Variants in RFTN1 observed in about 807,000 individuals in gnomAD.
RFTN1 encodes raftlin.
Under a neutral mutation model 46.5 loss-of-function variants are expected in RFTN1, and 26 were observed. The observed-to-expected ratio is 0.56, with a 90% CI of 0.41 to 0.78. RFTN1 has a LOEUF of 0.78. Among genes scored for constraint, RFTN1 ranks in the 30% least tolerant of loss-of-function variants. RFTN1 has a pLI of 0.00. For synonymous variants in RFTN1, 261 were observed against 284.2 expected (o/e 0.92, Z 0.82); for missense variants, 693 against 718.7 (o/e 0.96, Z 0.41).
intron 7 of RFTN1, among the ~76,000 whole-genome samples, chr3:16,357,116 AAAAAAAAAAAAACAAAAAAAC>A (rs1479132078): frequency 5.5e-4 from 23 of 41,728 alleles, no homozygotes; most frequent in African/African-American, 2.1e-3. Context: ...TGCCATCTCA[AAAAAAAAAAAAACAAAAAAAC>A]AAACAAACAA....
chr3:16,409,972 C>T (rs557492775), intron 3 of RFTN1, among the ~76,000 whole-genome samples: 1 of 151,106 alleles, frequency 6.6e-6, no homozygotes, highest in East Asian at 1.9e-4. Flanking sequence ...CAGACATGAG[C>T]CACTGTGCCC....
rs1028364442 is a variant in RFTN1, at chr3:16,329,962, T to G, written c.1147-3086A>C. Among the ~76,000 whole-genome samples the G allele has an allele frequency of 6.6e-6, 1 of 152,208 alleles. No individual in the cohort carries two copies. The highest frequency in any genetic ancestry group is 2.4e-5 in the African/African-American group (1 of 41,460). ...CCCTGCTGCAGCCCGACCCGCCTGC[T>G]TAGACAGACTGCAAACCGGCTGCTT... is the stretch of plus-strand genomic sequence containing the variant. On this transcript the variant is annotated intron_variant, in intron 7 of 9. Coordinates refer to ENST00000334133, the MANE Select transcript of RFTN1 (RefSeq NM_015150.2). This position sits in a 1 kb window ranked among gnomAD's most constrained non-coding sequence, Gnocchi z 4.5.
intron 1 of RFTN1, among the ~76,000 whole-genome samples, chr3:16,497,037 C>T (rs1052967102): frequency 6.6e-6 from 1 of 152,140 alleles, no homozygotes; most frequent in Non-Finnish European, 1.5e-5. Context: ...CACTCATCTC[C>T]AGTGTTAGAA....
rs1285570085 is a variant in RFTN1, at chr3:16,459,877, T to C, written c.146-25840A>G. On this transcript the variant is annotated intron_variant, in intron 2 of 9. Coordinates refer to ENST00000334133, the MANE Select transcript of RFTN1 (RefSeq NM_015150.2). The surrounding 1 kb of genome is among the most constrained non-coding windows in gnomAD (Gnocchi z 4.2). The stretch of plus-strand genomic sequence containing the variant: ...TGAGAGAAGTTTATCATTTTTTGGT[T>C]CCTATAACTTTTAGTTATTTGACAT... Among the ~76,000 whole-genome samples, 1 of 152,210 alleles carries C rather than the reference T, an allele frequency of 6.6e-6. No individual in the cohort carries two copies. Among genetic ancestry groups the C allele is most frequent in the African/African-American group, 2.4e-5 (1 of 41,462 alleles).
At chr3:16,477,743 G>T (rs2076305552) in intron 2 of RFTN1, among the ~76,000 whole-genome samples, 1 of 152,180 alleles carries the variant, frequency 6.6e-6, no homozygotes, top group South Asian at 2.1e-4. Flanking sequence ...CTTGTGGAAG[G>T]CTAACCACAG....
rs2075010422 is a variant in RFTN1, at chr3:16,413,283, C to G, written c.333-3800G>C. Among the ~76,000 whole-genome samples the G allele has an allele frequency of 6.6e-6, 1 of 152,226 alleles. No homozygotes were observed. Among genetic ancestry groups the G allele is most frequent in the African/African-American group, 2.4e-5 (1 of 41,456 alleles). Reference sequence around the variant, plus strand: ...TGTTCTGTGTCCCTGAGGGCAAGGACTATCCTGGGAGACAGAAGTGGACAT... The same window carrying G: ...TGTTCTGTGTCCCTGAGGGCAAGGAGTATCCTGGGAGACAGAAGTGGACAT... On this transcript the variant is annotated intron_variant, in intron 3 of 9. Transcript: ENST00000334133. This position sits in a 1 kb window ranked among gnomAD's most constrained non-coding sequence, Gnocchi z 4.7.
intron 2 of RFTN1, among the ~76,000 whole-genome samples, chr3:16,453,905 AAATGCAAAT>A (rs1037896845): frequency 3.9e-4 from 60 of 152,344 alleles, no homozygotes; most frequent in African/African-American, 8.9e-4. Context: ...AAGGCAAGCA[AAATGCAAAT>A]AATGCAAATA....
chr3:16,492,039 G>A (rs183903229), intron 2 of RFTN1, among the ~76,000 whole-genome samples: 1 of 152,288 alleles, frequency 6.6e-6, no homozygotes. Flanking sequence ...TTACAGACAT[G>A]GTTTTAATAG....
At chr3:16,323,536 A>G (rs2069326331) in intron 8 of RFTN1, 79 bp from the exon 9 acceptor site, 1 of 1,002,710 alleles carries the variant, frequency 1.0e-6, no homozygotes, top group Non-Finnish European at 1.6e-6. Flanking sequence ...TGCCATCCCT[A>G]ATTTCATCAA....
chr3:16,501,099 C>T (rs1467654554), intron 1 of RFTN1, among the ~76,000 whole-genome samples: 2 of 152,108 alleles, frequency 1.3e-5, no homozygotes, highest in African/African-American at 4.8e-5. Context: ...ATCGCACCAC[C>T]GCACTGCAGG....
intron 4 of RFTN1, among the ~76,000 whole-genome samples, chr3:16,401,644 A>G (rs1264710338): frequency 6.6e-6 from 1 of 152,144 alleles, no homozygotes; most frequent in Admixed American, 6.5e-5. Flanking sequence ...TCTGGATTTT[A>G]CCAAAGTATA....
intron 2 of RFTN1, among the ~76,000 whole-genome samples, chr3:16,487,467 C>T (rs2076467527): frequency 6.6e-6 from 1 of 152,206 alleles, no homozygotes; most frequent in African/African-American, 2.4e-5. Context: ...TCTGCGCTGT[C>T]CAATAGCAGT....
chr3:16,317,299 T>G lies in RFTN1; in HGVS notation c.1333-67A>C. The G allele has an allele frequency of 2.0e-6, 3 of 1,531,568 alleles. No homozygotes were observed. The highest frequency in any genetic ancestry group is 3.6e-5 in the Admixed American group (2 of 55,336). The allele number at this position is 1,531,568 out of a possible 1,614,324, so 94.9% of individuals were successfully genotyped here. On this transcript the variant is annotated intron_variant, in intron 9 of 9. Coordinates refer to ENST00000334133, the MANE Select transcript of RFTN1 (RefSeq NM_015150.2). The surrounding 1 kb of genome is among the most constrained non-coding windows in gnomAD (Gnocchi z 4.3). ...GAACCCAGAGCTTCACCCAAAGCCT[T>G]GTTTGCATTCATACCCACACCATGT...
In RFTN1 at chr3:16,334,173, A is replaced by G. The variant is rs1292250880; in HGVS notation, c.1147-7297T>C. On this transcript the variant is annotated intron_variant, in intron 7 of 9. Transcript: ENST00000334133. The surrounding 1 kb of genome is among the most constrained non-coding windows in gnomAD (Gnocchi z 4.3). ...GAGCAAGACTCTGTCTCAAAACAAA[A>G]ACAAAAACAAAAAACAACAACAAAA... is the stretch of plus-strand genomic sequence containing the variant. 6.6e-6 allele frequency among the ~76,000 whole-genome samples: 1 copy of G among 152,156 alleles called. No homozygotes were observed. The highest frequency in any genetic ancestry group is 1.5e-5 in the Non-Finnish European group (1 of 68,022).
intron 4 of RFTN1, among the ~76,000 whole-genome samples, chr3:16,378,351 G>T (rs748366485): frequency 5.5e-4 from 84 of 152,212 alleles, no homozygotes; most frequent in Non-Finnish European, 8.7e-4. Context: ...GCTTTGAAGA[G>T]TTGAAATCAC....
At position 16,460,933 on chromosome 3, in the gene RFTN1, C is replaced by G. The variant is rs1294975273; in HGVS notation, c.146-26896G>C. Among the ~76,000 whole-genome samples the G allele has an allele frequency of 6.6e-6, 1 of 152,176 alleles. No homozygotes were observed. The highest frequency in any genetic ancestry group is 1.5e-5 in the Non-Finnish European group (1 of 68,042). On this transcript the variant is annotated intron_variant, in intron 2 of 9. Transcript: ENST00000334133. The surrounding 1 kb of genome is among the most constrained non-coding windows in gnomAD (Gnocchi z 4.8). ...CTTCTTCAACAAATGACAGACAAAG[C>G]AGGTTTGGTCCCAATGTAAAATGAA...
chr3:16,481,075 C>G lies in RFTN1; in HGVS notation c.145+12650G>C, dbSNP rs7650427. Among the ~76,000 whole-genome samples, 72,549 of 151,554 alleles carry G rather than the reference C, an allele frequency of 0.48. 17,643 individuals are homozygous for G. Among genetic ancestry groups the G allele is most frequent in the South Asian group, 0.66 (3,141 of 4,784 alleles). ...AGACTGAGTAGTGTTGCTTCTTGGT[C>G]TGGATTTAGAGTAGCTGGGAAAACA... On this transcript the variant is annotated intron_variant, in intron 2 of 9. Transcript: ENST00000334133. The surrounding 1 kb of genome is among the most constrained non-coding windows in gnomAD (Gnocchi z 5.1).
At position 16,317,060 on chromosome 3, in the gene RFTN1, C is replaced by T; in HGVS notation, c.1505G>A (p.Gly502Asp). 1 of 1,613,958 alleles carries T rather than the reference C, an allele frequency of 6.2e-7. No homozygotes were observed. The highest frequency in any genetic ancestry group is 8.5e-7 in the Non-Finnish European group (1 of 1,179,994). Residue 502 changes from glycine (G) to aspartate (D), a missense_variant, in exon 10 of 10, where the codon GGT becomes GAT. Coordinates refer to ENST00000334133, the MANE Select transcript of RFTN1 (RefSeq NM_015150.2). This position sits in a 1 kb window ranked among gnomAD's most constrained non-coding sequence, Gnocchi z 4.3. ...GNCVSGQQQEGGVSEEMKGPV... is the reference protein window; with the variant it reads ...GNCVSGQQQEDGVSEEMKGPV... ...GCCCTTCATCTCCTCGGAGACTCCA[C>T]CCTCCTGCTGCTGTCCTGAAACACA...
rs544220191 is a variant in RFTN1, at chr3:16,418,858, G to A, written c.333-9375C>T. ...ACCTGCTTGACTGCTGACCACATAT[G>A]AGGGATTGAAGGCACTGCCCTCAAG... On this transcript the variant is annotated intron_variant, in intron 3 of 9. Transcript: ENST00000334133. This position sits in a 1 kb window ranked among gnomAD's most constrained non-coding sequence, Gnocchi z 5.0. Among the ~76,000 whole-genome samples the A allele has an allele frequency of 3.9e-5, 6 of 152,214 alleles. No individual in the cohort carries two copies. Among genetic ancestry groups the A allele is most frequent in the African/African-American group, 1.2e-4 (5 of 41,514 alleles).
Sources: allele counts gnomAD v4.1 joint callset (sites outside exome capture counted in the v4.1 genomes callset), GRCh38; gene constraint gnomAD v4.1.1; non-coding constraint Gnocchi (gnomAD v3.1); transcripts MANE v1.5; gene names NCBI Gene and HGNC (gene_info 2026-07-23, HGNC 2026-07-21).